The following ASTN1 variants were observed in gnomAD, a reference collection of about 807,000 sequenced individuals.
The protein encoded by ASTN1 is astrotactin 1.
Under a neutral mutation model 140.7 loss-of-function variants are expected in ASTN1, and 41 were observed. The ratio of observed to expected loss-of-function variants is 0.29; its 90% CI spans 0.23 to 0.38. The LOEUF is 0.38. ASTN1 is among the 10% of genes least tolerant of loss of function. The probability of loss-of-function intolerance (pLI) is 1.00; values close to 1 mark genes in which losing one functional copy is unlikely to be tolerated. For missense variants in ASTN1, 1,479 were observed against 1,678.8 expected (o/e 0.88, Z 2.08); for synonymous variants, 640 against 652.2 (o/e 0.98, Z 0.29).
intron 1 of ASTN1, among the ~76,000 whole-genome samples, chr1:177,131,136 A>G (rs1380407923): frequency 6.6e-6 from 1 of 152,162 alleles, no homozygotes; most frequent in Non-Finnish European, 1.5e-5. Flanking sequence ...GCTACAGTGA[A>G]TGTGCCTCTC....
rs1484091716 is a variant in ASTN1 at position 176,861,222 on chromosome 1, G to A, written c.*3062C>T. On this transcript the variant is annotated 3_prime_UTR_variant, in exon 23 of 23. Transcript: ENST00000361833. ...AGTAAAGTGTTTTTCTTCATACTCAGTTTTTTTAATAGAACATTTGAATAT... is the reference window on the plus strand; with the variant it reads ...AGTAAAGTGTTTTTCTTCATACTCAATTTTTTTAATAGAACATTTGAATAT... The A allele has an allele frequency of 1.0e-6, 1 of 979,556 alleles. No individual in the cohort carries two copies. The highest frequency in any genetic ancestry group is 1.2e-6 in the Non-Finnish European group (1 of 824,580). The allele number at this position is 979,556 out of a possible 1,614,324, so 60.7% of individuals were successfully genotyped here. A position where few individuals can be genotyped will look rare whatever the true frequency, so the allele number is the denominator to read the frequency against.
chr1:177,030,956 T>C lies in ASTN1; in HGVS notation c.866-4A>G. 4 of 1,608,446 alleles carry C rather than the reference T, an allele frequency of 2.5e-6. No homozygotes were observed. Among genetic ancestry groups the C allele is most frequent in the Non-Finnish European group, 3.4e-6 (4 of 1,176,784 alleles). On this transcript the variant is annotated splice_region_variant and splice_polypyrimidine_tract_variant and intron_variant, in intron 3 of 22. Coordinates refer to ENST00000361833, the MANE Select transcript of ASTN1 (RefSeq NM_004319.3). The stretch of plus-strand genomic sequence containing the variant: ...GACAGCTTGGCATTGTCACTTCCTG[T>C]ATAAGGAAAAGACGAGGCAAAAACT...
Position 176,862,180 on chromosome 1 carries a change from T to A in ASTN1, c.*2104A>T. 1 of 985,436 alleles carries A rather than the reference T, an allele frequency of 1.0e-6. No individual in the cohort carries two copies. The allele number at this position is 985,436 out of a possible 1,614,324, so 61.0% of individuals were successfully genotyped here. A position where few individuals can be genotyped will look rare whatever the true frequency, so the allele number is the denominator to read the frequency against. On this transcript the variant is annotated 3_prime_UTR_variant, in exon 23 of 23. Coordinates refer to ENST00000361833, the MANE Select transcript of ASTN1 (RefSeq NM_004319.3). ...CTGAGGCTCCAGCATTTGCCACAGG[T>A]GGGACAGCCAATTTTTCTGCTGATC...
At chr1:176,876,677 T>C (rs1668578648) in intron 20 of ASTN1, 40 bp from the exon 21 acceptor site, 1 of 1,595,898 alleles carries the variant, frequency 6.3e-7, no homozygotes, top group Non-Finnish European at 8.6e-7. Flanking sequence ...AGAAACAGTG[T>C]GGCTGGAGGC....
chr1:177,114,770 T>C (rs899923518), intron 1 of ASTN1, among the ~76,000 whole-genome samples: 1 of 152,204 alleles, frequency 6.6e-6, no homozygotes, highest in African/African-American at 2.4e-5. Context: ...CACAAACATA[T>C]ACCTTTTTAA....
At chr1:177,074,714 A>C (rs568392392) in intron 1 of ASTN1, among the ~76,000 whole-genome samples, 1 of 152,196 alleles carries the variant, frequency 6.6e-6, no homozygotes, top group Non-Finnish European at 1.5e-5. Context: ...GCAATTCTTC[A>C]TGATGCACGT....
In ASTN1 at chr1:177,103,281, T is replaced by C. The variant is rs867517502; in HGVS notation, c.284-42016A>G. Among the ~76,000 whole-genome samples the C allele has an allele frequency of 5.9e-5, 9 of 152,326 alleles. 1 individual carries two copies. The South Asian group carries it at 1.5e-3, about 25-fold the overall frequency. On this transcript the variant is annotated intron_variant, in intron 1 of 22. Coordinates refer to ENST00000361833, the MANE Select transcript of ASTN1 (RefSeq NM_004319.3). Reference sequence around the variant, plus strand: ...GCAAATAGATGATGTGAAGTTATATTTGGGGACTGAATAGATCTAGAAGCC... The same window carrying C: ...GCAAATAGATGATGTGAAGTTATATCTGGGGACTGAATAGATCTAGAAGCC...
intron 1 of ASTN1, among the ~76,000 whole-genome samples, chr1:177,066,790 G>C (rs539256903): frequency 3.7e-4 from 56 of 152,280 alleles, no homozygotes; most frequent in African/African-American, 1.1e-3. Context: ...TCACTGGATG[G>C]CTTAGAGTGG....
intron 8 of ASTN1, among the ~76,000 whole-genome samples, chr1:176,974,632 G>T (rs1571591285): frequency 6.6e-6 from 1 of 152,106 alleles, no homozygotes; most frequent in African/African-American, 2.4e-5. Flanking sequence ...TGATCCGCCT[G>T]CCTTGGCCTC....
At chr1:177,163,364 C>T (rs982896525) in intron 1 of ASTN1, among the ~76,000 whole-genome samples, 1 of 145,744 alleles carries the variant, frequency 6.9e-6, no homozygotes, top group Non-Finnish European at 1.5e-5. Flanking sequence ...GGTGAGAGCT[C>T]CATCTACACA....
At chr1:176,898,027 C>T (rs895835014) in intron 16 of ASTN1, among the ~76,000 whole-genome samples, 1 of 152,198 alleles carries the variant, frequency 6.6e-6, no homozygotes, top group Non-Finnish European at 1.5e-5. Flanking sequence ...TTCCTGCCCT[C>T]CAGCTGGCCA....
intron 16 of ASTN1, among the ~76,000 whole-genome samples, chr1:176,906,096 G>T (rs576198408): frequency 3.3e-5 from 5 of 152,206 alleles, no homozygotes; most frequent in African/African-American, 9.6e-5. Context: ...ACCAGCAGTT[G>T]GTTTACCTCT....
intron 8 of ASTN1, among the ~76,000 whole-genome samples, chr1:177,002,968 G>A (rs1674807296): frequency 6.6e-6 from 1 of 150,956 alleles, no homozygotes. Flanking sequence ...AGATTAATCG[G>A]TAATAAAAAA....
chr1:177,161,099 C>T (rs566449902), intron 1 of ASTN1, among the ~76,000 whole-genome samples: 7 of 152,322 alleles, frequency 4.6e-5, no homozygotes, highest in African/African-American at 1.7e-4. Flanking sequence ...CTCCTGTTCT[C>T]TACTTGGAAT....
intron 20 of ASTN1, among the ~76,000 whole-genome samples, chr1:176,878,882 C>T (rs115488710): frequency 4.6e-5 from 7 of 152,340 alleles, no homozygotes; most frequent in Non-Finnish European, 8.8e-5. Context: ...ATACAAACCT[C>T]GGTAGCACTG....
rs763625810 is a variant in ASTN1 at position 176,949,279 on chromosome 1, C to T, written c.1960G>A (p.Asp654Asn). 32 of 1,613,992 alleles carry T rather than the reference C, an allele frequency of 2.0e-5. No individual in the cohort carries two copies. The highest frequency in any genetic ancestry group is 2.6e-5 in the Non-Finnish European group (31 of 1,180,032). Residue 654 changes from aspartate (D) to asparagine (N), a missense_variant, in exon 12 of 23, where the codon GAC (aspartate) becomes AAC (asparagine). By Grantham distance (23) the Asp-to-Asn change is conservative (BLOSUM62 1). This residue lies in a region of ASTN1 where 729 missense variants were observed against 860.4 expected (regional missense o/e 0.85). Transcript: ENST00000361833. ...YDRHIGVDCS[D>N]GFNGGCEQLC... Reference sequence around the variant, plus strand: ...TGCTCACAGCCGCCGTTGAAGCCGTCGGAACAGTCCACCCCGATGTGGCGG... The same window carrying T: ...TGCTCACAGCCGCCGTTGAAGCCGTTGGAACAGTCCACCCCGATGTGGCGG...
intron 11 of ASTN1, among the ~76,000 whole-genome samples, chr1:176,957,014 C>T (rs1672436928): frequency 6.6e-6 from 1 of 152,170 alleles, no homozygotes; most frequent in Non-Finnish European, 1.5e-5. Flanking sequence ...CCTTCTGCCT[C>T]AGCCTCCAGA....
rs1020379455 is a variant in ASTN1, at chr1:176,862,024, C to T, written c.*2260G>A. The T allele has an allele frequency of 2.0e-5, 20 of 985,314 alleles. No homozygotes were observed. Among genetic ancestry groups the T allele is most frequent in the Non-Finnish European group, 2.3e-5 (19 of 829,980 alleles). The allele number at this position is 985,314 out of a possible 1,614,324, so 61.0% of individuals were successfully genotyped here. On this transcript the variant is annotated 3_prime_UTR_variant, in exon 23 of 23. Coordinates refer to ENST00000361833, the MANE Select transcript of ASTN1 (RefSeq NM_004319.3). Reference sequence around the variant, plus strand: ...CTCCTTTCACTCAAGCTTAAAACACCGTGTTCTGCACAGATATGAATAGAA... The same window carrying T: ...CTCCTTTCACTCAAGCTTAAAACACTGTGTTCTGCACAGATATGAATAGAA...
At chr1:176,978,170 C>A (rs986784070) in intron 8 of ASTN1, among the ~76,000 whole-genome samples, 2 of 152,104 alleles carry the variant, frequency 1.3e-5, no homozygotes, top group Admixed American at 1.3e-4. Flanking sequence ...TGGAACATTA[C>A]AAACAGCAAA....
Sources: allele counts gnomAD v4.1 joint callset (sites outside exome capture counted in the v4.1 genomes callset), GRCh38; gene constraint gnomAD v4.1.1; regional missense constraint gnomAD v4.1.1; transcripts MANE v1.5; gene names NCBI Gene and HGNC (gene_info 2026-07-23, HGNC 2026-07-21).